The following DYM variants were observed in gnomAD, a reference collection of about 807,000 sequenced individuals.
DYM encodes the protein dymeclin.
DYM carries 78 observed loss-of-function variants against 93.1 expected under a neutral mutation model. The ratio of observed to expected loss-of-function variants is 0.84; its 90% CI spans 0.70 to 1.01. The LOEUF is 1.01. DYM is among the 50% of genes least tolerant of loss of function. The pLI is 0.00. For synonymous variants in DYM, 321 were observed against 319.7 expected (o/e 1.00, Z -0.04); for missense variants, 789 against 845.0 (o/e 0.93, Z 0.82).
Position 49,039,427 on chromosome 18 carries a change from T to C in DYM, c.*4628A>G, listed in dbSNP as rs57049169. 0.1 allele frequency among the ~76,000 whole-genome samples: 15,919 copies of C among 152,174 alleles called. 1,142 individuals carry two copies. The highest frequency in any genetic ancestry group is 0.26 in the East Asian group (1,355 of 5,166). The stretch of plus-strand genomic sequence containing the variant: ...ACTTGGAGTTTGTGGGAGGGATTCT[T>C]GAATTTTTGGTGTGATATCTTTCAT... On this transcript the variant is annotated 3_prime_UTR_variant, in exon 18 of 18. Coordinates refer to ENST00000675505, the MANE Select transcript of DYM (RefSeq NM_001353214.3).
At chr18:49,226,252 G>T (rs970673466) in intron 13 of DYM, among the ~76,000 whole-genome samples, 2 of 152,120 alleles carry the variant, frequency 1.3e-5, no homozygotes, top group Non-Finnish European at 2.9e-5. Flanking sequence ...TTGTTTTACA[G>T]ATGTACCATC....
intron 6 of DYM, among the ~76,000 whole-genome samples, chr18:49,351,139 G>A (rs928109847): frequency 6.6e-6 from 1 of 152,010 alleles, no homozygotes; most frequent in African/African-American, 2.4e-5. Context: ...AAAGAGGGAA[G>A]GGCCGGGTAC....
At chr18:49,265,611 T>C (rs111837449) in intron 11 of DYM, among the ~76,000 whole-genome samples, 4,043 of 151,834 alleles carry the variant, frequency 0.027, 173 homozygotes, top group African/African-American at 0.091. Context: ...AAACCCTGTC[T>C]CTACTTAAAA....
At chr18:49,249,678 G>A (rs1214267622) in intron 13 of DYM, among the ~76,000 whole-genome samples, 1 of 151,734 alleles carries the variant, frequency 6.6e-6, no homozygotes, top group African/African-American at 2.4e-5. Context: ...TCAAAAAAAT[G>A]CTGGGTGATT....
chr18:49,209,718 G>GA lies in DYM; in HGVS notation c.1461-4dup. On this transcript the variant is annotated splice_polypyrimidine_tract_variant and splice_region_variant and intron_variant, in intron 13 of 17. Coordinates refer to ENST00000675505, the MANE Select transcript of DYM (RefSeq NM_001353214.3). ...TCCGCAAGTGGCGGCAGGTATAACT[G>GA]AAAGACAAAGGTAAAAGGAGAGAAA... The GA allele has an allele frequency of 1.6e-6, 2 of 1,263,620 alleles. No homozygotes were observed. Among genetic ancestry groups the GA allele is most frequent in the Non-Finnish European group, 2.1e-6 (2 of 974,056 alleles). The allele number at this position is 1,263,620 out of a possible 1,614,324, so 78.3% of individuals were successfully genotyped here.
At chr18:49,300,981 G>A (rs2060894341) in intron 8 of DYM, among the ~76,000 whole-genome samples, 1 of 152,138 alleles carries the variant, frequency 6.6e-6, no homozygotes, top group African/African-American at 2.4e-5. Context: ...ATGGAGCACG[G>A]TGCCTCAAAC....
At chr18:49,152,921 A>G (rs1250973665) in intron 15 of DYM, among the ~76,000 whole-genome samples, 3 of 152,210 alleles carry the variant, frequency 2.0e-5, no homozygotes, top group Admixed American at 2.0e-4. Context: ...AAAAAAGTCA[A>G]AATCATAGAA....
intron 2 of DYM, among the ~76,000 whole-genome samples, chr18:49,410,995 T>A (rs2072179568): frequency 6.6e-6 from 1 of 152,226 alleles, no homozygotes; most frequent in South Asian, 2.1e-4. Flanking sequence ...TATACACTAT[T>A]CAAAGTTCTT....
At chr18:49,198,677 G>A (rs915422549) in intron 14 of DYM, among the ~76,000 whole-genome samples, 1 of 151,056 alleles carries the variant, frequency 6.6e-6, no homozygotes, top group African/African-American at 2.4e-5. Context: ...ACCACAATGA[G>A]ATACCATCTC....
chr18:49,395,234 C>T (rs1206009888), intron 2 of DYM, among the ~76,000 whole-genome samples: 1 of 151,992 alleles, frequency 6.6e-6, no homozygotes, highest in Non-Finnish European at 1.5e-5. Context: ...ACAAACTATG[C>T]ATCTGACAAG....
intron 16 of DYM, among the ~76,000 whole-genome samples, chr18:49,100,159 G>A (rs1339994460): frequency 1.3e-5 from 2 of 152,102 alleles, no homozygotes; most frequent in African/African-American, 2.4e-5. Context: ...AATACTATTA[G>A]TAAAACTAAA....
intron 13 of DYM, among the ~76,000 whole-genome samples, chr18:49,238,198 T>C (rs1196958730): frequency 6.6e-6 from 1 of 152,208 alleles, no homozygotes; most frequent in Non-Finnish European, 1.5e-5. Flanking sequence ...AATGGATTTT[T>C]CTAATCTGAT....
In DYM at chr18:49,426,076, G is replaced by C. The variant is rs536671321; in HGVS notation, c.140+4179C>G. On this transcript the variant is annotated intron_variant, in intron 2 of 17. Coordinates refer to ENST00000675505, the MANE Select transcript of DYM (RefSeq NM_001353214.3). ...TACCCACAGGACCGTAAAGCATGCT[G>C]CTATCAAGACACATGCACACATATG... 3.1e-3 allele frequency among the ~76,000 whole-genome samples: 475 copies of C among 152,234 alleles called. 2 individuals are homozygous for C. The highest frequency in any genetic ancestry group is 5.1e-3 in the Non-Finnish European group (349 of 68,018).
chr18:49,203,808 T>G (rs959354496), intron 14 of DYM, among the ~76,000 whole-genome samples: 6 of 122,776 alleles, frequency 4.9e-5, no homozygotes, highest in African/African-American at 1.9e-4. Flanking sequence ...CCCATGACCC[T>G]GCCAAATCCC....
chr18:49,316,228 G>A (rs556018168), intron 8 of DYM, among the ~76,000 whole-genome samples: 24 of 152,280 alleles, frequency 1.6e-4, no homozygotes, highest in Non-Finnish European at 3.2e-4. Context: ...GTTGCAGTGA[G>A]CCAAGATCGC....
intron 11 of DYM, among the ~76,000 whole-genome samples, chr18:49,259,174 A>G (rs2094451285): frequency 1.3e-5 from 2 of 152,290 alleles, no homozygotes; most frequent in South Asian, 2.1e-4. Flanking sequence ...AGAGGCACAC[A>G]TCCACAGAGT....
At chr18:49,224,496 A>C (rs573579596) in intron 13 of DYM, among the ~76,000 whole-genome samples, 41 of 152,162 alleles carry the variant, frequency 2.7e-4, no homozygotes, top group African/African-American at 9.4e-4. Context: ...ATATGTTGAA[A>C]TCCTAGCCCC....
At chr18:49,069,337 C>T (rs944329318) in intron 17 of DYM, among the ~76,000 whole-genome samples, 1 of 152,200 alleles carries the variant, frequency 6.6e-6, no homozygotes, top group African/African-American at 2.4e-5. Flanking sequence ...AAAGTTCAGA[C>T]TGGCACCTTG....
chr18:49,064,660 G>T (rs1183105961), intron 17 of DYM, among the ~76,000 whole-genome samples: 1 of 152,136 alleles, frequency 6.6e-6, no homozygotes, highest in Non-Finnish European at 1.5e-5. Context: ...ATGTGGAGAG[G>T]CTAGCAGGCA....
Sources: allele counts gnomAD v4.1 joint callset (sites outside exome capture counted in the v4.1 genomes callset), GRCh38; gene constraint gnomAD v4.1.1; transcripts MANE v1.5; gene names NCBI Gene and HGNC (gene_info 2026-07-23, HGNC 2026-07-21).